The following PTPRQ variants were observed in gnomAD, a reference collection of about 807,000 sequenced individuals.
PTPRQ encodes the protein protein tyrosine phosphatase receptor type Q.
In PTPRQ, 199 loss-of-function variants were observed where a neutral mutation model predicts 246.0. That is an observed-to-expected ratio of 0.81 (90% confidence interval 0.72 to 0.91). The LOEUF (loss-of-function observed/expected upper bound fraction) is 0.91. Among genes scored for constraint, PTPRQ ranks in the 40% least tolerant of loss-of-function variants. PTPRQ has a pLI of 0.00. For missense variants in PTPRQ, 2,624 were observed against 2,528.4 expected (o/e 1.04, Z -0.81); for synonymous variants, 869 against 853.2 (o/e 1.02, Z -0.32).
At chr12:80,602,730 G>A (rs997095027) in intron 26 of PTPRQ, among the ~76,000 whole-genome samples, 4 of 151,808 alleles carry the variant, frequency 2.6e-5, no homozygotes. Flanking sequence ...AATTTTGGAG[G>A]GGACATGTTC....
Position 80,484,441 on chromosome 12 carries a change from GC to G in PTPRQ, c.1196del (p.Ala399GlufsTer10), listed in dbSNP as rs2120610597. 1 of 1,544,894 alleles carries G rather than the reference GC, an allele frequency of 6.5e-7. No individual in the cohort carries two copies. The highest frequency in any genetic ancestry group is 8.7e-7 in the Non-Finnish European group (1 of 1,144,882). On this transcript the variant is annotated frameshift_variant, in exon 9 of 45. Transcript: ENST00000644991. LOFTEE classifies it high-confidence loss of function. ...CTTTCTTTCTTTCTTAGTTCCAGGGGCAGTGTTTGATTTACAACTTGCAGAG... is the reference window on the plus strand; with the variant it reads ...CTTTCTTTCTTTCTTAGTTCCAGGGGAGTGTTTGATTTACAACTTGCAGAG... ...SVFTPPDVPG[A>X]VFDLQLAEVE...
intron 8 of PTPRQ, 126 bp from the exon 9 acceptor site, chr12:80,484,307 T>TAG (rs1894195666): frequency 1.7e-6 from 2 of 1,205,180 alleles, no homozygotes; most frequent in East Asian, 5.1e-5. Flanking sequence ...GCACCTAGCC[T>TAG]AGTCTGTTTT....
intron 25 of PTPRQ, among the ~76,000 whole-genome samples, chr12:80,578,529 T>A (rs569047720): frequency 1.3e-5 from 2 of 151,828 alleles, no homozygotes; most frequent in Non-Finnish European, 2.9e-5. Context: ...TAGCTGGGGC[T>A]GCAGGCGCCT....
chr12:80,540,942 C>T (rs992765715), intron 20 of PTPRQ, among the ~76,000 whole-genome samples: 4 of 152,092 alleles, frequency 2.6e-5, no homozygotes, highest in African/African-American at 4.8e-5. Context: ...GTCAAATTTA[C>T]GTTAATAGAG....
intron 16 of PTPRQ, 136 bp from the exon 17 acceptor site, chr12:80,510,187 C>T: frequency 1.1e-6 from 1 of 901,538 alleles, no homozygotes; most frequent in Non-Finnish European, 1.5e-6. Context: ...TAAACAGTCT[C>T]TTGTGCTTCT....
At chr12:80,673,086 C>T in intron 42 of PTPRQ, 83 bp from the exon 43 acceptor site, 9 of 1,478,792 alleles carry the variant, frequency 6.1e-6, no homozygotes, top group South Asian at 1.4e-5. Flanking sequence ...GAATTTATTG[C>T]TATCATAGCT....
chr12:80,517,454 A>C (rs1000704993), intron 17 of PTPRQ, among the ~76,000 whole-genome samples: 1 of 152,164 alleles, frequency 6.6e-6, no homozygotes, highest in Admixed American at 6.5e-5. Flanking sequence ...TAATAACATC[A>C]TGGAAAATGG....
chr12:80,485,573 A>G (rs1565738715), intron 9 of PTPRQ, among the ~76,000 whole-genome samples: 1 of 152,132 alleles, frequency 6.6e-6, no homozygotes, highest in Non-Finnish European at 1.5e-5. Context: ...CATGTGCTCA[A>G]TGCATTCTGG....
intron 25 of PTPRQ, among the ~76,000 whole-genome samples, chr12:80,562,568 A>G (rs1182797421): frequency 6.6e-6 from 1 of 152,216 alleles, no homozygotes; most frequent in Admixed American, 6.5e-5. Context: ...CATCAAACTG[A>G]ATATGCTAAA....
intron 26 of PTPRQ, among the ~76,000 whole-genome samples, chr12:80,604,844 A>C (rs1528286): frequency 1.3e-5 from 2 of 151,506 alleles, no homozygotes; most frequent in South Asian, 4.1e-4. Flanking sequence ...TAATTAATTA[A>C]GTTTTCATGT....
chr12:80,590,686 A>C (rs1432072311), intron 26 of PTPRQ, among the ~76,000 whole-genome samples: 2 of 151,394 alleles, frequency 1.3e-5, no homozygotes, highest in African/African-American at 2.4e-5. Flanking sequence ...AAAAAAAAAA[A>C]AAAAACTATC....
At chr12:80,450,743 G>C (rs1489824672) in intron 3 of PTPRQ, among the ~76,000 whole-genome samples, 1 of 152,166 alleles carries the variant, frequency 6.6e-6, no homozygotes, top group Admixed American at 6.5e-5. Context: ...TGATCATTGT[G>C]GATAAGCTTT....
At chr12:80,585,474 C>T (rs1565801977) in intron 25 of PTPRQ, among the ~76,000 whole-genome samples, 1 of 152,268 alleles carries the variant, frequency 6.6e-6, no homozygotes, top group East Asian at 1.9e-4. Flanking sequence ...ACCCTTTAGT[C>T]TGTTCTCAAC....
At chr12:80,473,146 T>G (rs537710797) in intron 8 of PTPRQ, among the ~76,000 whole-genome samples, 97 of 152,166 alleles carry the variant, frequency 6.4e-4, no homozygotes, top group African/African-American at 2.3e-3. Flanking sequence ...TTTGTACTTC[T>G]CCCCTTTAAA....
intron 39 of PTPRQ, among the ~76,000 whole-genome samples, chr12:80,661,482 C>A (rs374605900): frequency 2.7e-5 from 4 of 150,668 alleles, no homozygotes; most frequent in South Asian, 4.2e-4. Context: ...TTTTTATATG[C>A]CGATATGTAT....
rs564122945 is a variant in PTPRQ, at chr12:80,500,444, A to G, written c.2272+3913A>G. On this transcript the variant is annotated intron_variant, in intron 14 of 44. Transcript: ENST00000644991. ...GGGTAAATGAATAAAAATGCAAAGG[A>G]TATCAGCCTTGGGTCAGGAATACAT... 7.2e-5 allele frequency among the ~76,000 whole-genome samples: 11 copies of G among 152,148 alleles called. 1 individual carries two copies. In the South Asian group the frequency reaches 1.7e-3, roughly 23 times the overall value.
At chr12:80,588,068 C>A in intron 25 of PTPRQ, 61 bp from the exon 26 acceptor site, 1 of 1,442,054 alleles carries the variant, frequency 6.9e-7, no homozygotes, top group South Asian at 1.5e-5. Context: ...TCTATTCTTT[C>A]TTCTCTTTAT....
intron 38 of PTPRQ, among the ~76,000 whole-genome samples, chr12:80,654,691 T>TA (rs1186328739): frequency 0.012 from 1,185 of 95,134 alleles, 25 homozygotes; most frequent in African/African-American, 0.039. Flanking sequence ...GTACTAAAAA[T>TA]CCAAAAAAAA....
chr12:80,602,655 G>A (rs982848742), intron 26 of PTPRQ, among the ~76,000 whole-genome samples: 8 of 151,806 alleles, frequency 5.3e-5, no homozygotes, highest in South Asian at 2.1e-4. Flanking sequence ...TTCTCATGAC[G>A]TAATCACCTC....
Sources: gnomAD v4.1 joint callset for allele counts (sites outside exome capture counted in the v4.1 genomes callset) on GRCh38, gnomAD v4.1.1 for gene constraint, MANE v1.5 for transcripts, NCBI Gene and HGNC (gene_info 2026-07-23, HGNC 2026-07-21) for gene names.